MMP12: variants seen among roughly 807,000 people sequenced by gnomAD.
MMP12 encodes the protein macrophage metalloelastase.
MMP12 carries 51 observed loss-of-function variants against 45.2 expected under a neutral mutation model. That is an observed-to-expected ratio of 1.13 (90% CI 0.90 to 1.42). The LOEUF is 1.42. MMP12 is among the 40% of genes most tolerant of loss of function. The pLI is 0.00. For missense variants in MMP12, 530 were observed against 570.8 expected (o/e 0.93, Z 0.73); for synonymous variants, 210 against 193.3 (o/e 1.09, Z -0.72).
Position 102,865,509 on chromosome 11 carries a change from G to A in MMP12, c.1205+267C>T, listed in dbSNP as rs782200822. Reference sequence around the variant, plus strand: ...CATCTATGACACTATTTTCCAATGTGTTTCCACTATGATTAATAAGATGAC... The same window carrying A: ...CATCTATGACACTATTTTCCAATGTATTTCCACTATGATTAATAAGATGAC... On this transcript the variant is annotated intron_variant, in intron 8 of 9. Coordinates refer to ENST00000571244, the MANE Select transcript of MMP12 (RefSeq NM_002426.6). This position sits in a 1 kb window ranked among gnomAD's most constrained non-coding sequence, Gnocchi z 4.1. Among the ~76,000 whole-genome samples, 10 of 151,978 alleles carry A rather than the reference G, an allele frequency of 6.6e-5. No homozygotes were observed. The highest frequency in any genetic ancestry group is 1.5e-4 in the Non-Finnish European group (10 of 68,014).
At chr11:102,864,047 C>T in intron 9 of MMP12, 99 bp downstream of exon 9, 1 of 921,962 alleles carries the variant, frequency 1.1e-6, no homozygotes, top group Non-Finnish European at 1.7e-6. Flanking sequence ...CTGCAGAAAC[C>T]TGTCCCTTTC....
Position 102,867,372 on chromosome 11 carries a change from C to A in MMP12, c.809G>T (p.Arg270Leu), listed in dbSNP as rs201082412. 1 of 1,609,512 alleles carries A rather than the reference C, an allele frequency of 6.2e-7. No homozygotes were observed. The highest frequency in any genetic ancestry group is 8.5e-7 in the Non-Finnish European group (1 of 1,178,268). ...SLYGDPKENQRLPNPDNSEPA... is the reference protein window; with the variant it reads ...SLYGDPKENQLLPNPDNSEPA... The stretch of plus-strand genomic sequence containing the variant: ...TTCTGAATTGTCAGGATTTGGCAAG[C>A]GTTGGTTCTCTTTTGGGTCTCCTGA... Residue 270 changes from arginine (R) to leucine (L), a missense_variant, in exon 6 of 10, where the codon CGC becomes CTC. Coordinates refer to ENST00000571244, the MANE Select transcript of MMP12 (RefSeq NM_002426.6).
intron 1 of MMP12, among the ~76,000 whole-genome samples, chr11:102,873,444 A>C (rs1182611104): frequency 6.6e-6 from 1 of 152,062 alleles, no homozygotes; most frequent in African/African-American, 2.4e-5. Flanking sequence ...TACAAAAAAC[A>C]CAAAAATTAT....
At chr11:102,868,130 A>G (rs973584148) in intron 4 of MMP12, 61 bp from the exon 5 acceptor site, 1 of 1,324,620 alleles carries the variant, frequency 7.5e-7, no homozygotes, top group Non-Finnish European at 1.1e-6. Context: ...ACAAGAACAC[A>G]ATATCTGACA....
chr11:102,868,199 T>G (rs1859431834), intron 4 of MMP12, 130 bp from the exon 5 acceptor site: 1 of 808,472 alleles, frequency 1.2e-6, no homozygotes, highest in African/African-American at 1.7e-5. Context: ...TTGAGTTGGG[T>G]TTCTCAATCT....
intron 1 of MMP12, among the ~76,000 whole-genome samples, chr11:102,874,028 CAA>C (rs35364937): frequency 1.8e-4 from 18 of 97,454 alleles, no homozygotes; most frequent in Non-Finnish European, 2.6e-4. Context: ...AACCCTGTCT[CAA>C]AAAAAAAAAA....
chr11:102,865,592 C>T lies in MMP12; in HGVS notation c.1205+184G>A, dbSNP rs957137379. Among the ~76,000 whole-genome samples the T allele has an allele frequency of 2.4e-4, 36 of 151,906 alleles. No homozygotes were observed. Among genetic ancestry groups the T allele is most frequent in the African/African-American group, 8.7e-4 (36 of 41,346 alleles). ...ACACATTATCTACTATTTCATATAT[C>T]AGAAACCAAAAACACAAAGAACTAA... On this transcript the variant is annotated intron_variant, in intron 8 of 9. Transcript: ENST00000571244. The surrounding 1 kb of genome is among the most constrained non-coding windows in gnomAD (Gnocchi z 4.1).
intron 2 of MMP12, 104 bp downstream of exon 2, chr11:102,872,761 G>T (rs1046010470): frequency 3.5e-5 from 44 of 1,256,066 alleles, no homozygotes; most frequent in South Asian, 2.0e-4. Flanking sequence ...ATGGAGGGAG[G>T]TTACTTTATC....
intron 9 of MMP12, among the ~76,000 whole-genome samples, chr11:102,863,525 C>T (rs1555008108): frequency 6.6e-6 from 1 of 152,124 alleles, no homozygotes; most frequent in Non-Finnish European, 1.5e-5. Flanking sequence ...TACCAACAGC[C>T]AGTCATACTC....
At position 102,868,043 on chromosome 11, in the gene MMP12, G is replaced by C; in HGVS notation, c.652C>G (p.His218Asp). The change falls in exon 5 of 10, where the codon CAC (histidine) becomes GAC (aspartate). Residue 218 changes from histidine to aspartate, a missense_variant. Coordinates refer to ENST00000571244, the MANE Select transcript of MMP12 (RefSeq NM_002426.6). ...AGACCTAAGGAATGGCCAATCTCGT[G>C]AACAGCAGTGAGGAACAAGTTTGTG... ...GGTNLFLTAV[H>D]EIGHSLGLGH... The C allele has an allele frequency of 6.3e-7, 1 of 1,599,872 alleles. No homozygotes were observed. Among genetic ancestry groups the C allele is most frequent in the African/African-American group, 1.3e-5 (1 of 74,848 alleles).
intron 4 of MMP12, 91 bp from the exon 5 acceptor site, chr11:102,868,160 G>C: frequency 1.7e-6 from 2 of 1,157,248 alleles, no homozygotes; most frequent in Non-Finnish European, 2.4e-6. Flanking sequence ...AGAAAGATTT[G>C]AGAATCTTTT....
In MMP12 at chr11:102,865,950, A is replaced by T. The variant is rs782282281; in HGVS notation, c.1046-15T>A. On this transcript the variant is annotated splice_polypyrimidine_tract_variant and intron_variant, in intron 7 of 9. Transcript: ENST00000571244. The surrounding 1 kb of genome is among the most constrained non-coding windows in gnomAD (Gnocchi z 4.1). ...GTATTTGTCATCTGTGAAGACAAAGAAATAGGGTAAATTTGAATTATACAG... is the reference window on the plus strand; with the variant it reads ...GTATTTGTCATCTGTGAAGACAAAGTAATAGGGTAAATTTGAATTATACAG... 10 of 1,585,720 alleles carry T rather than the reference A, an allele frequency of 6.3e-6. No homozygotes were observed. The highest frequency in any genetic ancestry group is 7.8e-6 in the Non-Finnish European group (9 of 1,161,040).
At chr11:102,872,428 C>T (rs1313008563) in intron 2 of MMP12, among the ~76,000 whole-genome samples, 1 of 152,020 alleles carries the variant, frequency 6.6e-6, no homozygotes, top group African/African-American at 2.4e-5. Flanking sequence ...GCAAGCTCCG[C>T]CTCCTGGGTT....
chr11:102,868,131 A>G (rs538769747), intron 4 of MMP12, 62 bp from the exon 5 acceptor site: 23 of 1,321,044 alleles, frequency 1.7e-5, no homozygotes, highest in Non-Finnish European at 2.2e-5. Flanking sequence ...CAAGAACACA[A>G]TATCTGACAC....
intron 4 of MMP12, among the ~76,000 whole-genome samples, chr11:102,869,286 G>T (rs1254242839): frequency 2.0e-5 from 3 of 151,982 alleles, no homozygotes; most frequent in Admixed American, 2.0e-4. Context: ...CACCTCTCTC[G>T]GGGAGTGTCT....
At chr11:102,864,062 T>G in intron 9 of MMP12, 84 bp downstream of exon 9, 1 of 1,063,746 alleles carries the variant, frequency 9.4e-7, no homozygotes, top group Non-Finnish European at 1.4e-6. Flanking sequence ...CCTTTCCAAT[T>G]TGGAGCCCTA....
At chr11:102,864,067 G>T (rs1555008167) in intron 9 of MMP12, 79 bp downstream of exon 9, 5 of 1,095,612 alleles carry the variant, frequency 4.6e-6, no homozygotes, top group Non-Finnish European at 6.8e-6. Context: ...CCAATTTGGA[G>T]CCCTATTCTC....
rs1555008024 is a variant in MMP12, at chr11:102,863,076, C to A, written c.*24G>T. On this transcript the variant is annotated 3_prime_UTR_variant, in exon 10 of 10. Coordinates refer to ENST00000571244, the MANE Select transcript of MMP12 (RefSeq NM_002426.6). ...TACTTATTAAGCTGAAGTGAACTAA[C>A]AAAAACCATTAATTACACCATTTCT... 1 of 1,522,506 alleles carries A rather than the reference C, an allele frequency of 6.6e-7. No homozygotes were observed. The highest frequency in any genetic ancestry group is 1.2e-5 in the South Asian group (1 of 86,508). 94.3% of individuals were successfully genotyped at this position (1,522,506 alleles called of 1,614,324 possible).
At chr11:102,869,507 G>C (rs1555009088) in intron 4 of MMP12, among the ~76,000 whole-genome samples, 2 of 152,126 alleles carry the variant, frequency 1.3e-5, no homozygotes, top group African/African-American at 4.8e-5. Context: ...CTCAGGGGTT[G>C]AATTGTGTAC....
Sources: gnomAD v4.1 joint callset for allele counts (sites outside exome capture counted in the v4.1 genomes callset) on GRCh38, gnomAD v4.1.1 for gene constraint, Gnocchi (gnomAD v3.1) non-coding constraint, MANE v1.5 for transcripts, NCBI Gene and HGNC (gene_info 2026-07-23, HGNC 2026-07-21) for gene names.